The following ARGFX variants were observed in gnomAD, a reference collection of about 807,000 sequenced individuals.
ARGFX encodes the protein arginine-fifty homeobox.
Under a neutral mutation model 8.0 loss-of-function variants are expected in ARGFX, and 10 were observed. The observed-to-expected ratio is 1.25, with a 90% CI of 0.77 to 2.12. The LOEUF (loss-of-function observed/expected upper bound fraction) is 2.12. Ranked by LOEUF, ARGFX falls within the 30% of genes most tolerant of loss-of-function variation. The probability of loss-of-function intolerance (pLI) is 0.00; values close to 1 mark genes in which losing one functional copy is unlikely to be tolerated. For missense variants in ARGFX, 282 were observed against 324.3 expected (o/e 0.87, Z 1.00); for synonymous variants, 116 against 117.8 (o/e 0.98, Z 0.10).
At chr3:121,572,305 G>C (rs991411494) in intron 2 of ARGFX, among the ~76,000 whole-genome samples, 1 of 146,374 alleles carries the variant, frequency 6.8e-6, no homozygotes, top group Non-Finnish European at 1.5e-5. Flanking sequence ...GCAATGGAGC[G>C]ATCTCGGATC....
At position 121,586,534 on chromosome 3, in the gene ARGFX, CT is replaced by C. The variant is rs1460111801; in HGVS notation, c.883del (p.Tyr295ThrfsTer3). The C allele has an allele frequency of 1.2e-6, 2 of 1,614,150 alleles. No individual in the cohort carries two copies. Among genetic ancestry groups the C allele is most frequent in the Non-Finnish European group, 1.7e-6 (2 of 1,180,028 alleles). ...PNMTSQAFEAYSLTDSLEFQK... is the reference protein window; with the variant it reads ...PNMTSQAFEAXSLTDSLEFQK... ...ATATGACAAGCCAAGCCTTTGAAGC[CT>C]ACAGTCTAACAGATAGCCTGGAATT... On this transcript the variant is annotated frameshift_variant, in exon 5 of 5. Coordinates refer to ENST00000334384, the MANE Select transcript of ARGFX (RefSeq NM_001012659.2). LOFTEE classifies it low-confidence loss of function (END_TRUNC).
intron 3 of ARGFX, 80 bp from the exon 4 acceptor site, chr3:121,584,830 ATTTGTTT>A: frequency 6.9e-7 from 1 of 1,453,280 alleles, no homozygotes; most frequent in Non-Finnish European, 9.4e-7. Context: ...CACCATGGTG[ATTTGTTT>A]TTTGGTTTTT....
At chr3:121,573,306 C>T (rs1161957601) in intron 2 of ARGFX, among the ~76,000 whole-genome samples, 1 of 151,884 alleles carries the variant, frequency 6.6e-6, no homozygotes, top group Non-Finnish European at 1.5e-5. Flanking sequence ...CATGGTGAAA[C>T]CCTGTCTCTA....
Position 121,586,411 on chromosome 3 carries a change from T to A in ARGFX, c.759T>A (p.Tyr253Ter). Residue 253 changes from tyrosine to a stop codon, truncating the protein, a stop_gained, in exon 5 of 5, where the codon TAT (tyrosine) becomes TAA (stop). Transcript: ENST00000334384. LOFTEE classifies it low-confidence loss of function (END_TRUNC). ...CTTCTTTCCACTGTCTGTATCAGTA[T>A]CTCTCACCCACAAAGTACCAGGTAG... is the stretch of plus-strand genomic sequence containing the variant. ...SSSSFHCLYQYLSPTKYQVGG... is the reference protein window; with the variant it reads ...SSSSFHCLYQ 1 of 1,614,032 alleles carries A rather than the reference T, an allele frequency of 6.2e-7. No homozygotes were observed. Among genetic ancestry groups the A allele is most frequent in the Non-Finnish European group, 8.5e-7 (1 of 1,179,934 alleles).
At position 121,568,029 on chromosome 3, in the gene ARGFX, C is replaced by T. The variant is rs111296307; in HGVS notation, c.-13+16C>T. On this transcript the variant is annotated intron_variant, in intron 1 of 4. Coordinates refer to ENST00000334384, the MANE Select transcript of ARGFX (RefSeq NM_001012659.2). ...TTCGTGACAGGTAAGCATGGGGGAG[C>T]GGGGAGGGTAGCCAGAATGTGGGGC... Among the ~76,000 whole-genome samples, 12 of 151,840 alleles carry T rather than the reference C, an allele frequency of 7.9e-5. No homozygotes were observed. Among genetic ancestry groups the T allele is most frequent in the South Asian group, 4.2e-4 (2 of 4,800 alleles).
In ARGFX at chr3:121,585,835, C is replaced by T. The variant is rs190976100; in HGVS notation, c.370-187C>T. On this transcript the variant is annotated intron_variant, in intron 4 of 4. Coordinates refer to ENST00000334384, the MANE Select transcript of ARGFX (RefSeq NM_001012659.2). The stretch of plus-strand genomic sequence containing the variant: ...ACCCGCTTCCTTCCTTTCTGGGGTC[C>T]CAGACCTGATCTTCATCATCCCTCC... Among the ~76,000 whole-genome samples the T allele has an allele frequency of 3.0e-3, 457 of 152,216 alleles. 2 individuals carry two copies. Among genetic ancestry groups the T allele is most frequent in the African/African-American group, 0.011 (444 of 41,548 alleles).
rs1474863272 is a variant in ARGFX at position 121,584,215 on chromosome 3, G to C, written c.221-702G>C. ...GAGAGACAGAGAGAGAGGAAGGAAG[G>C]AAGGAAGGAAGGAAGGAAGGAAGGA... On this transcript the variant is annotated intron_variant, in intron 3 of 4. Transcript: ENST00000334384. Among the ~76,000 whole-genome samples the C allele has an allele frequency of 8.1e-4, 92 of 114,096 alleles. 1 individual carries two copies. Among genetic ancestry groups the C allele is most frequent in the Non-Finnish European group, 9.2e-4 (45 of 49,164 alleles). 74.9% of individuals were successfully genotyped at this position (114,096 alleles called of 152,430 possible).
At chr3:121,573,286 G>C (rs1054017836) in intron 2 of ARGFX, among the ~76,000 whole-genome samples, 2 of 152,026 alleles carry the variant, frequency 1.3e-5, no homozygotes, top group Non-Finnish European at 2.9e-5. Flanking sequence ...TTCTAGAGCA[G>C]CCTGGCCAAC....
At position 121,587,779 on chromosome 3, in the gene ARGFX, C is replaced by T. The variant is rs1342340119; in HGVS notation, c.*1179C>T. Reference sequence around the variant, plus strand: ...GCTCAAACAGTCCTCCCACCTCAGCCTTCTGAGTAGCTGAGACTACAGACA... The same window carrying T: ...GCTCAAACAGTCCTCCCACCTCAGCTTTCTGAGTAGCTGAGACTACAGACA... On this transcript the variant is annotated 3_prime_UTR_variant, in exon 5 of 5. Coordinates refer to ENST00000334384, the MANE Select transcript of ARGFX (RefSeq NM_001012659.2). Among the ~76,000 whole-genome samples, 4 of 152,138 alleles carry T rather than the reference C, an allele frequency of 2.6e-5. No homozygotes were observed. The highest frequency in any genetic ancestry group is 6.5e-5 in the Admixed American group (1 of 15,268).
chr3:121,577,969 A>G (rs1424376237), intron 3 of ARGFX, among the ~76,000 whole-genome samples: 1 of 151,456 alleles, frequency 6.6e-6, no homozygotes, highest in Non-Finnish European at 1.5e-5. Context: ...TATTTTTGGT[A>G]GAGACAGGGT....
intron 1 of ARGFX, among the ~76,000 whole-genome samples, chr3:121,568,273 C>T (rs550035565): frequency 3.0e-4 from 46 of 152,134 alleles, no homozygotes; most frequent in Non-Finnish European, 1.8e-4. Flanking sequence ...AAACTTTCTC[C>T]ATCTGTGTTA....
chr3:121,576,200 C>G (rs530151237), intron 2 of ARGFX, among the ~76,000 whole-genome samples: 99 of 151,974 alleles, frequency 6.5e-4, no homozygotes, highest in African/African-American at 2.4e-3. Context: ...TGCTTTGCCT[C>G]CCTAAATGCT....
At chr3:121,576,404 T>C (rs2048736348) in intron 2 of ARGFX, among the ~76,000 whole-genome samples, 1 of 152,142 alleles carries the variant, frequency 6.6e-6, no homozygotes, top group Non-Finnish European at 1.5e-5. Context: ...AGTAGTGTGA[T>C]CTCGACTCAC....
rs561834778 is a variant in ARGFX, at chr3:121,587,486, C to A, written c.*886C>A. Among the ~76,000 whole-genome samples, 2 of 152,274 alleles carry A rather than the reference C, an allele frequency of 1.3e-5. No homozygotes were observed. The highest frequency in any genetic ancestry group is 4.1e-4 in the South Asian group (2 of 4,826). Reference sequence around the variant, plus strand: ...TACAGGAGTGCACCATCGCACCCGGCTGGGTTATCTAGTTTAAAAACACTT... The same window carrying A: ...TACAGGAGTGCACCATCGCACCCGGATGGGTTATCTAGTTTAAAAACACTT... On this transcript the variant is annotated 3_prime_UTR_variant, in exon 5 of 5. Coordinates refer to ENST00000334384, the MANE Select transcript of ARGFX (RefSeq NM_001012659.2).
Position 121,589,622 on chromosome 3 carries a change from C to T in ARGFX, c.*3022C>T, listed in dbSNP as rs1483042219. On this transcript the variant is annotated 3_prime_UTR_variant, in exon 5 of 5. Coordinates refer to ENST00000334384, the MANE Select transcript of ARGFX (RefSeq NM_001012659.2). ...AACTCCTGAGCTCAAGTGATCCTCC[C>T]GTCTCAGCCTCCCAAAGGGCTGAGA... is the stretch of plus-strand genomic sequence containing the variant. 2.6e-5 allele frequency among the ~76,000 whole-genome samples: 4 copies of T among 152,096 alleles called. No individual in the cohort carries two copies. Among genetic ancestry groups the T allele is most frequent in the Non-Finnish European group, 5.9e-5 (4 of 68,016 alleles).
At chr3:121,581,951 G>A (rs2048782967) in intron 3 of ARGFX, among the ~76,000 whole-genome samples, 1 of 152,068 alleles carries the variant, frequency 6.6e-6, no homozygotes, top group Non-Finnish European at 1.5e-5. Flanking sequence ...CATTTCCCAT[G>A]ATTAATAGTC....
chr3:121,571,730 A>ATTTTTTTTTTTTTTTTTTTT (rs1173636701), intron 2 of ARGFX, among the ~76,000 whole-genome samples: 4 of 107,104 alleles, frequency 3.7e-5, no homozygotes, highest in African/African-American at 7.1e-5. Context: ...TGCCCGGCAA[A>ATTTTTTTTTTTTTTTTTTTT]TTTTTTTTTT....
intron 1 of ARGFX, among the ~76,000 whole-genome samples, chr3:121,569,396 T>C (rs567399214): frequency 6.6e-6 from 1 of 150,438 alleles, no homozygotes; most frequent in Admixed American, 6.7e-5. Context: ...GACGGAGTCT[T>C]GCTCTGTCGC....
At chr3:121,576,707 TTTTC>T (rs200520122) in intron 2 of ARGFX, 73 bp from the exon 3 acceptor site, 33,520 of 248,376 alleles carry the variant, frequency 0.13, 2,534 homozygotes, top group African/African-American at 0.22. Flanking sequence ...CTTTCTTTCT[TTTTC>T]TTTCTTTCTT....
Sources: allele counts gnomAD v4.1 joint callset (sites outside exome capture counted in the v4.1 genomes callset), GRCh38; gene constraint gnomAD v4.1.1; transcripts MANE v1.5; gene names NCBI Gene and HGNC (gene_info 2026-07-23, HGNC 2026-07-21).